The following GNAO1 variants were observed in gnomAD, a reference collection of about 807,000 sequenced individuals.
The protein encoded by GNAO1 is guanine nucleotide-binding protein G(o) subunit alpha.
For missense variants in GNAO1, 166 were observed against 478.7 expected (o/e 0.35, Z 6.10); for synonymous variants, 164 against 180.7 (o/e 0.91, Z 0.74).
chr16:56,218,954 A>C (rs752822513), intron 2 of GNAO1, among the ~76,000 whole-genome samples: 2 of 152,134 alleles, frequency 1.3e-5, no homozygotes, highest in Non-Finnish European at 2.9e-5. Flanking sequence ...CATTGTGGGC[A>C]TGCACCCACA....
chr16:56,265,711 C>T (rs1231322072), intron 2 of GNAO1, among the ~76,000 whole-genome samples: 1 of 152,038 alleles, frequency 6.6e-6, no homozygotes, highest in East Asian at 1.9e-4. Context: ...GGAGGGAAAG[C>T]TGCCATTTAA....
At chr16:56,273,422 C>T (rs1233628392) in intron 2 of GNAO1, among the ~76,000 whole-genome samples, 2 of 152,048 alleles carry the variant, frequency 1.3e-5, no homozygotes, top group Non-Finnish European at 2.9e-5. Flanking sequence ...TCATAATTCC[C>T]TTCAATTTCT....
At chr16:56,337,624 A>G (rs1179865967) in intron 6 of GNAO1, among the ~76,000 whole-genome samples, 4 of 152,012 alleles carry the variant, frequency 2.6e-5, no homozygotes, top group African/African-American at 7.3e-5. Flanking sequence ...CTCAGTTACT[A>G]TTTTCCATAA....
chr16:56,334,762 C>G lies in GNAO1; in HGVS notation c.498C>G (p.Ala166=), dbSNP rs774947928. 1.4e-5 allele frequency: 23 copies of G among 1,613,802 alleles called. No individual in the cohort carries two copies. The highest frequency in any genetic ancestry group is 1.9e-5 in the Non-Finnish European group (23 of 1,179,940). The change falls in exon 5 of 9, where the codon GCC becomes GCG. Residue 166 remains alanine (A), a synonymous_variant. Coordinates refer to ENST00000262493, the MANE Select transcript of GNAO1 (RefSeq NM_020988.3). ...YLDSLDRIGA[A]DYQPTEQDIL... ...ACAGCCTGGATCGGATTGGGGCCGC[C>G]GACTACCAGCCCACCGAGCAGGACA... is the stretch of plus-strand genomic sequence containing the variant.
At chr16:56,194,068 A>G (rs1266088802) in intron 2 of GNAO1, 2 of 455,156 alleles carry the variant, frequency 4.4e-6, no homozygotes, top group African/African-American at 2.0e-5. Flanking sequence ...AACAGGCATG[A>G]CAAGCGGGTT....
chr16:56,265,784 T>C (rs1322002029), intron 2 of GNAO1, among the ~76,000 whole-genome samples: 2 of 151,304 alleles, frequency 1.3e-5, no homozygotes, highest in African/African-American at 2.4e-5. Context: ...GACGAATGTG[T>C]TTTTTTTTAA....
rs533084147 is a variant in GNAO1 at position 56,242,775 on chromosome 16, A to G, written c.162-33156A>G. 2.0e-5 allele frequency among the ~76,000 whole-genome samples: 3 copies of G among 152,388 alleles called. No individual in the cohort carries two copies. In the East Asian group the frequency reaches 5.8e-4, roughly 29 times the overall value. ...TAAATAAAACATCATAAACAACAAA[A>G]GAAAAACAATAGATAAATTAGACTT... On this transcript the variant is annotated intron_variant, in intron 2 of 8. Transcript: ENST00000262493.
intron 2 of GNAO1, chr16:56,193,949 C>T: frequency 5.5e-6 from 2 of 362,862 alleles, no homozygotes; most frequent in Non-Finnish European, 1.1e-5. Flanking sequence ...ATAATTGCAT[C>T]GCGTAGGGAA....
At chr16:56,246,645 A>G (rs2036747159) in intron 2 of GNAO1, among the ~76,000 whole-genome samples, 1 of 152,064 alleles carries the variant, frequency 6.6e-6, no homozygotes, top group South Asian at 2.1e-4. Flanking sequence ...CTCACACGGC[A>G]CCGCTGTCCC....
chr16:56,226,718 C>T (rs1220874461), intron 2 of GNAO1: 2 of 152,208 alleles, frequency 1.3e-5, no homozygotes, highest in Admixed American at 1.3e-4. Context: ...ATTTAAGTGT[C>T]AGTCCTTTCA....
At chr16:56,253,933 A>G (rs116692362) in intron 2 of GNAO1, among the ~76,000 whole-genome samples, 1,948 of 152,358 alleles carry the variant, frequency 0.013, 42 homozygotes, top group African/African-American at 0.036. Flanking sequence ...ATTAAGTTCC[A>G]GTGTACACGG....
chr16:56,258,968 C>T (rs537732518), intron 2 of GNAO1, among the ~76,000 whole-genome samples: 21 of 152,344 alleles, frequency 1.4e-4, no homozygotes, highest in African/African-American at 4.8e-4. Context: ...GTGCACAGCC[C>T]TTTGTTCTTT....
chr16:56,226,947 G>T (rs1306341823), intron 2 of GNAO1, among the ~76,000 whole-genome samples: 3 of 152,176 alleles, frequency 2.0e-5, no homozygotes, highest in African/African-American at 7.2e-5. Flanking sequence ...TTTAAAAGGG[G>T]ATCTTTAGGA....
At chr16:56,296,073 A>T (rs2037285444) in intron 3 of GNAO1, among the ~76,000 whole-genome samples, 1 of 152,230 alleles carries the variant, frequency 6.6e-6, no homozygotes, top group Non-Finnish European at 1.5e-5. Context: ...AAATTCAATT[A>T]TAAAGCCAAT....
At chr16:56,198,860 C>G (rs1187639148) in intron 2 of GNAO1, among the ~76,000 whole-genome samples, 1 of 152,158 alleles carries the variant, frequency 6.6e-6, no homozygotes, top group Non-Finnish European at 1.5e-5. Flanking sequence ...GGCTTCTTCC[C>G]CTTGCCTGCT....
Position 56,229,359 on chromosome 16 carries a change from C to G in GNAO1, c.161+36743C>G, listed in dbSNP as rs118191876. ...AGCTGTGATTATAGGCACACACCAC[C>G]TCGCCTGACTAATTTTTTTTGTATT... On this transcript the variant is annotated intron_variant, in intron 2 of 8. Transcript: ENST00000262493. Among the ~76,000 whole-genome samples the G allele has an allele frequency of 9.9e-3, 1,502 of 152,268 alleles. 49 individuals are homozygous for G. The highest frequency in any genetic ancestry group is 0.07 in the South Asian group (339 of 4,820).
intron 2 of GNAO1, among the ~76,000 whole-genome samples, chr16:56,200,328 G>A (rs1036950430): frequency 6.6e-6 from 1 of 152,120 alleles, no homozygotes; most frequent in Non-Finnish European, 1.5e-5. Context: ...ATAAACGTTA[G>A]TTAAAGAAAA....
intron 2 of GNAO1, among the ~76,000 whole-genome samples, chr16:56,236,109 C>T (rs1387250081): frequency 6.6e-6 from 1 of 152,182 alleles, no homozygotes; most frequent in Admixed American, 6.5e-5. Context: ...CATGTTCTCC[C>T]ATTATTGCTT....
At chr16:56,328,551 G>A (rs1398429444) in intron 3 of GNAO1, 80 bp from the exon 4 acceptor site, 26 of 1,449,840 alleles carry the variant, frequency 1.8e-5, no homozygotes, top group East Asian at 4.6e-5. Flanking sequence ...CACAGTCCCC[G>A]CTAGGGGAGA....
Sources: gnomAD v4.1 joint callset for allele counts (sites outside exome capture counted in the v4.1 genomes callset) on GRCh38, gnomAD v4.1.1 for gene constraint, MANE v1.5 for transcripts, NCBI Gene and HGNC (gene_info 2026-07-23, HGNC 2026-07-21) for gene names.